Variants in RIF1 observed in about 807,000 individuals in gnomAD.
RIF1 encodes replication timing regulatory factor 1, also known as telomere-associated protein RIF1.
Under a neutral mutation model 247.1 loss-of-function variants are expected in RIF1, and 45 were observed. The observed-to-expected ratio is 0.18, with a 90% CI of 0.14 to 0.23. RIF1 has a LOEUF of 0.23. Among genes scored for constraint, RIF1 ranks in the 10% least tolerant of loss-of-function variants. RIF1 has a pLI of 1.00. For missense variants in RIF1, 2,967 were observed against 2,862.5 expected, an observed-to-expected ratio of 1.04 and a Z score of -0.83; for synonymous variants, 1,087 against 978.8, an observed-to-expected ratio of 1.11 and a Z score of -2.06.
At chr2:151,524,369 C>G in the RIF1 span, 1 of 1,613,986 alleles carries the variant, frequency 6.2e-7, no homozygotes, top group African/African-American at 1.3e-5. Flanking sequence ...ACCGAGCATG[C>G]TTAAGCCATG....
At chr2:151,430,089 C>T (rs909669248) in intron 9 of RIF1, among the ~76,000 whole-genome samples, 3 of 151,304 alleles carry the variant, frequency 2.0e-5, no homozygotes, top group Admixed American at 6.6e-5. Context: ...GGCACAATCT[C>T]GGCTCACTGC....
intron 14 of RIF1, among the ~76,000 whole-genome samples, 188 bp from the exon 15 acceptor site, chr2:151,439,839 G>A (rs1273808228): frequency 3.3e-5 from 5 of 151,016 alleles, no homozygotes; most frequent in Non-Finnish European, 5.9e-5. Flanking sequence ...CAGGCATGGT[G>A]GTGCACACCT....
At chr2:151,432,962 T>TA (rs1194491404) in intron 9 of RIF1, 115 bp from the exon 10 acceptor site, 31 of 798,882 alleles carry the variant, frequency 3.9e-5, no homozygotes, top group African/African-American at 5.2e-5. Flanking sequence ...TTTATTTTTT[T>TA]AAAAAAATTT....
chr2:151,449,774 G>T (rs1310076385), intron 20 of RIF1, among the ~76,000 whole-genome samples: 1 of 151,416 alleles, frequency 6.6e-6, no homozygotes, highest in Non-Finnish European at 1.5e-5. Context: ...TTGTTTTAAA[G>T]CTTTTTTCAA....
At position 151,451,202 on chromosome 2, in the gene RIF1, C is replaced by T. The variant is rs74594713; in HGVS notation, c.2245-404C>T. ...ATATCCTAAGCAGAACGTTATAATA[C>T]GGTATTTTTACTGTGTCTTTTCGAT... On this transcript the variant is annotated intron_variant, in intron 20 of 35. Coordinates refer to ENST00000444746, the MANE Select transcript of RIF1 (RefSeq NM_018151.5). Among the ~76,000 whole-genome samples the T allele has an allele frequency of 1.1e-4, 16 of 152,280 alleles. No homozygotes were observed. In the East Asian group the frequency reaches 2.3e-3, roughly 22 times the overall value.
In RIF1 at chr2:151,411,262, G is replaced by T. The variant is rs1327694172; in HGVS notation, c.107G>T (p.Arg36Leu). Reference protein sequence around the residue: ...QTDAYLTLTSRMTGEEGKEVI... With the variant: ...QTDAYLTLTSLMTGEEGKEVI... Reference sequence around the variant, plus strand: ...TTGTGTTCTTCCTGCTTTTTAAGTCGTATGACTGGAGAAGAAGGAAAAGAA... The same window carrying T: ...TTGTGTTCTTCCTGCTTTTTAAGTCTTATGACTGGAGAAGAAGGAAAAGAA... Residue 36 changes from arginine (R) to leucine (L), a missense_variant and splice_region_variant, in exon 3 of 36, where the codon CGT (arginine) becomes CTT (leucine). Around this residue, in one of 7 missense-constraint regions of RIF1, gnomAD observed 269 missense variants for 288.6 expected, o/e 0.93. Transcript: ENST00000444746. 1.9e-6 allele frequency: 3 copies of T among 1,577,296 alleles called. No homozygotes were observed. Among genetic ancestry groups the T allele is most frequent in the African/African-American group, 2.8e-5 (2 of 72,626 alleles).
Position 151,499,425 on chromosome 2 carries a change from G to A in RIF1, c.*594G>A, listed in dbSNP as rs761266883. On this transcript the variant is annotated 3_prime_UTR_variant and NMD_transcript_variant, in exon 11 of 14. Coordinates refer to the RIF1 transcript ENST00000454583. The stretch of plus-strand genomic sequence containing the variant: ...ACAAGAAAGCATCCAGAAAAAACAA[G>A]AGCAGTCAAAACAGCCCTTTCATCT... The A allele has an allele frequency of 4.6e-6, 6 of 1,292,660 alleles. No homozygotes were observed. In the South Asian group the frequency reaches 5.1e-5, roughly 11 times the overall value. 80.1% of individuals were successfully genotyped at this position (1,292,660 alleles called of 1,614,324 possible). A position where few individuals can be genotyped will look rare whatever the true frequency, so the allele number is the denominator to read the frequency against.
At chr2:151,467,948 A>ATT in intron 30 of RIF1, 52 bp from the exon 31 acceptor site, 2 of 1,537,388 alleles carry the variant, frequency 1.3e-6, no homozygotes, top group Middle Eastern at 1.7e-4. Flanking sequence ...TTATGGTGTA[A>ATT]TTTTTTAAAA....
Position 151,493,524 on chromosome 2 carries a change from G to A in RIF1, c.*416-1705G>A, listed in dbSNP as rs891200340. On this transcript the variant is annotated intron_variant and NMD_transcript_variant, in intron 9 of 13. Transcript: ENST00000454583. Reference sequence around the variant, plus strand: ...AAATCATCACTTAGCTGGTGTTATGGCTCATGTTATGGCTCAGTTATATCA... The same window carrying A: ...AAATCATCACTTAGCTGGTGTTATGACTCATGTTATGGCTCAGTTATATCA... 16 of 938,288 alleles carry A rather than the reference G, an allele frequency of 1.7e-5. No homozygotes were observed. In the South Asian group the frequency reaches 2.6e-4, roughly 15 times the overall value. The allele number at this position is 938,288 out of a possible 1,614,324, so 58.1% of individuals were successfully genotyped here.
chr2:151,499,345 T>G (rs1323764871), exon 11 of RIF1: 2 of 1,546,310 alleles, frequency 1.3e-6, no homozygotes. Flanking sequence ...ATCTCTGGAG[T>G]GATGGGGATT....
chr2:151,463,602 C>T lies in RIF1; in HGVS notation c.4082C>T (p.Thr1361Ile). ...EHDNTKLKAA[T>I]VENAVLLETN... The stretch of plus-strand genomic sequence containing the variant: ...GACAATACAAAGCTTAAAGCAGCAA[C>T]AGTGGAAAATGCTGTATTATTGGAA... The change falls in exon 30 of 36, where the codon ACA (threonine) becomes ATA (isoleucine). Residue 1361 changes from threonine (T) to isoleucine (I), a missense_variant. By Grantham distance (89) the Thr-to-Ile change is moderately conservative. This residue lies in a region of RIF1 where 2,028 missense variants were observed against 1,825.6 expected (regional missense o/e 1.11). Coordinates refer to ENST00000444746, the MANE Select transcript of RIF1 (RefSeq NM_018151.5). The T allele has an allele frequency of 6.2e-7, 1 of 1,613,504 alleles. No individual in the cohort carries two copies. Among genetic ancestry groups the T allele is most frequent in the Non-Finnish European group, 8.5e-7 (1 of 1,179,788 alleles).
intron 20 of RIF1, among the ~76,000 whole-genome samples, chr2:151,447,239 G>A (rs1211377041): frequency 6.6e-6 from 1 of 152,158 alleles, no homozygotes; most frequent in Admixed American, 6.5e-5. Context: ...CACCGCGCCC[G>A]GCCTCTTTCT....
Position 151,468,702 on chromosome 2 carries a change from T to G in RIF1, c.6887T>G (p.Val2296Gly). The G allele has an allele frequency of 1.2e-6, 2 of 1,614,046 alleles. No individual in the cohort carries two copies. Among genetic ancestry groups the G allele is most frequent in the South Asian group, 2.2e-5 (2 of 91,076 alleles). Reference sequence around the variant, plus strand: ...ACAGAAAGTGTTTACCCACCATTGGTGAACTGTGTGGCACCAGTTGACATC... The same window carrying G: ...ACAGAAAGTGTTTACCCACCATTGGGGAACTGTGTGGCACCAGTTGACATC... Reference protein sequence around the residue: ...CPTESVYPPLVNCVAPVDIIL... With the variant: ...CPTESVYPPLGNCVAPVDIIL... The change falls in exon 33 of 36, where the codon GTG (valine) becomes GGG (glycine). Residue 2296 changes from valine (V) to glycine (G), a missense_variant. Transcript: ENST00000444746.
downstream of RIF1, chr2:151,486,794 TTAGG>T (rs1189674705): frequency 6.6e-6 from 1 of 152,240 alleles, no homozygotes; most frequent in Non-Finnish European, 1.5e-5. Flanking sequence ...ATGAAATGTC[TTAGG>T]TAGCCAAATA....
chr2:151,509,187 G>T (rs1378027795), downstream of RIF1, among the ~76,000 whole-genome samples: 3 of 152,194 alleles, frequency 2.0e-5, no homozygotes, highest in African/African-American at 7.2e-5. Context: ...GCCAATGAGA[G>T]ATGTAGGCCT....
At chr2:151,501,049 C>G (rs189576481) in intron 11 of RIF1, among the ~76,000 whole-genome samples, 10 of 152,308 alleles carry the variant, frequency 6.6e-5, no homozygotes, top group Admixed American at 6.5e-4. Context: ...TCTTTTCTTG[C>G]ATCTCTAACC....
chr2:151,523,141 C>T, the RIF1 span, among the ~76,000 whole-genome samples: 1 of 151,904 alleles, frequency 6.6e-6, no homozygotes, highest in Non-Finnish European at 1.5e-5. Flanking sequence ...TTAATAAGTT[C>T]TTGTTACATC....
intron 1 of RIF1, 184 bp downstream of exon 1, chr2:151,410,217 T>C: frequency 1.6e-6 from 1 of 629,336 alleles, no homozygotes. Context: ...GAATGTGGCG[T>C]GGGCTCAGGT....
chr2:151,522,320 T>G, the RIF1 span, among the ~76,000 whole-genome samples: 1 of 152,198 alleles, frequency 6.6e-6, no homozygotes, highest in Non-Finnish European at 1.5e-5. Context: ...AGGCCTGAAC[T>G]GAGAAACTAT....
Sources: allele counts gnomAD v4.1 joint callset (sites outside exome capture counted in the v4.1 genomes callset), GRCh38; gene constraint gnomAD v4.1.1; regional missense constraint gnomAD v4.1.1; transcripts MANE v1.5; gene names NCBI Gene and HGNC (gene_info 2026-07-23, HGNC 2026-07-21).